BACC1: variants seen among roughly 807,000 people sequenced by gnomAD.
The protein encoded by BACC1 is BPTF associated chromatin complex component 1.
the BACC1 span, chr17:7,016,481 T>C: frequency 6.2e-7 from 1 of 1,610,962 alleles, no homozygotes; most frequent in Non-Finnish European, 8.5e-7. Context: ...TAACCTCTTC[T>C]CTCTTTTCTT....
chr17:7,015,186 C>A, the BACC1 span: 1 of 1,544,408 alleles, frequency 6.5e-7, no homozygotes. Flanking sequence ...GACGTGGACG[C>A]TGAGAGCGGG....
At chr17:7,015,809 G>A in the BACC1 span, 1 of 1,614,120 alleles carries the variant, frequency 6.2e-7, no homozygotes, top group Non-Finnish European at 8.5e-7. Flanking sequence ...GAGATGCTGA[G>A]GGCTGCTGTG....
At chr17:7,017,236 C>T in the BACC1 span, 1 of 1,614,066 alleles carries the variant, frequency 6.2e-7, no homozygotes, top group Non-Finnish European at 8.5e-7. Flanking sequence ...CCATCTCGGC[C>T]CATTTTACTT....
At chr17:7,015,185 G>T in the BACC1 span, 13 of 1,543,702 alleles carry the variant, frequency 8.4e-6, no homozygotes, top group South Asian at 1.2e-4. Context: ...GGACGTGGAC[G>T]CTGAGAGCGG....
the BACC1 span, chr17:7,016,145 T>C: frequency 1.9e-6 from 1 of 522,566 alleles, no homozygotes; most frequent in Non-Finnish European, 3.4e-6. Context: ...TGGTTATTTA[T>C]ATAAATGTTT....
the BACC1 span, chr17:7,016,959 G>A: frequency 6.2e-7 from 1 of 1,614,072 alleles, no homozygotes; most frequent in Admixed American, 1.7e-5. Flanking sequence ...GTGACGTGGT[G>A]GATATTGAAG....
At chr17:7,015,076 C>G in the BACC1 span, 1 of 1,560,296 alleles carries the variant, frequency 6.4e-7, no homozygotes, top group Non-Finnish European at 8.6e-7. Context: ...GAGAGATCTT[C>G]TCGGCGGCCG....
the BACC1 span, chr17:7,015,240 A>G: frequency 6.9e-7 from 1 of 1,454,918 alleles, no homozygotes; most frequent in Non-Finnish European, 9.0e-7. Flanking sequence ...TAGCACAGGG[A>G]CAGACATTAG....
chr17:7,015,451 G>C, the BACC1 span: 8 of 1,366,274 alleles, frequency 5.9e-6, no homozygotes, highest in Non-Finnish European at 1.9e-6. Context: ...ACGGCTGCAG[G>C]CTGTGTTGGT....
chr17:7,016,005 C>G, the BACC1 span: 1 of 693,768 alleles, frequency 1.4e-6, no homozygotes, highest in Non-Finnish European at 2.4e-6. Flanking sequence ...TTTTAGAATC[C>G]CCTTGAGGAC....
chr17:7,014,953 C>T, the BACC1 span: 27 of 1,465,804 alleles, frequency 1.8e-5, no homozygotes, highest in South Asian at 1.3e-4. The surrounding 1 kb of genome is among the most constrained non-coding windows in gnomAD (Gnocchi z 4.5). Flanking sequence ...CGCGGCTCTT[C>T]CGCCCCGGGC....
the BACC1 span, chr17:7,014,964 G>C: frequency 8.3e-6 from 12 of 1,450,250 alleles, no homozygotes; most frequent in African/African-American, 7.4e-5. The surrounding 1 kb of genome is among the most constrained non-coding windows in gnomAD (Gnocchi z 4.5). Context: ...CGCCCCGGGC[G>C]GGGGGCGGGC....
chr17:7,014,820 G>A, the BACC1 span: 1 of 1,516,028 alleles, frequency 6.6e-7, no homozygotes, highest in Non-Finnish European at 8.8e-7. This position sits in a 1 kb window ranked among gnomAD's most constrained non-coding sequence, Gnocchi z 4.5. Context: ...CGCGTGTAGC[G>A]GCGGCGGCGG....
the BACC1 span, chr17:7,015,362 C>T: frequency 5.8e-6 from 8 of 1,370,904 alleles, no homozygotes; most frequent in African/African-American, 1.2e-4. Context: ...ACTCCTGTTT[C>T]ACAGTTCTCC....
At chr17:7,016,425 C>T in the BACC1 span, 6 of 1,527,448 alleles carry the variant, frequency 3.9e-6, no homozygotes, top group Admixed American at 2.1e-5. Context: ...AGAACCCCTT[C>T]CCCTCCCGTC....
the BACC1 span, chr17:7,017,274 T>A: frequency 6.2e-7 from 1 of 1,613,986 alleles, no homozygotes; most frequent in African/African-American, 1.3e-5. Flanking sequence ...GACCCTGGAT[T>A]CTGGCCTTCT....
At chr17:7,016,676 C>T in the BACC1 span, 1 of 1,610,960 alleles carries the variant, frequency 6.2e-7, no homozygotes, top group Non-Finnish European at 8.5e-7. Context: ...CATAAAGAAA[C>T]AGAAGGCTGG....
the BACC1 span, chr17:7,015,237 G>A: frequency 1.4e-6 from 2 of 1,458,110 alleles, no homozygotes; most frequent in South Asian, 1.3e-5. Flanking sequence ...CTCTAGCACA[G>A]GGACAGACAT....
chr17:7,014,928 G>GC, the BACC1 span: 7 of 1,494,012 alleles, frequency 4.7e-6, no homozygotes, highest in African/African-American at 1.5e-5. This position sits in a 1 kb window ranked among gnomAD's most constrained non-coding sequence, Gnocchi z 4.5. Flanking sequence ...GGGAGGGCGG[G>GC]CCCCCCACTT....
Sources: gnomAD v4.1 joint callset for allele counts on GRCh38, gnomAD v4.1.1 for gene constraint, Gnocchi (gnomAD v3.1) non-coding constraint, MANE v1.5 for transcripts, NCBI Gene and HGNC (gene_info 2026-07-23, HGNC 2026-07-21) for gene names.